CADM1: variants seen among roughly 807,000 people sequenced by gnomAD.
CADM1 encodes the protein cell adhesion molecule 1, also known as TSLC-1.
CADM1 carries 15 observed loss-of-function variants against 53.1 expected under a neutral mutation model. That is an observed-to-expected ratio of 0.28 (90% CI 0.19 to 0.44). The LOEUF is 0.44. CADM1 is among the 20% of genes least tolerant of loss of function. The probability of loss-of-function intolerance (pLI) is 1.00; values close to 1 mark genes in which losing one functional copy is unlikely to be tolerated. For missense variants in CADM1, 434 were observed against 611.3 expected, an observed-to-expected ratio of 0.71 and a Z score of 3.06; for synonymous variants, 281 against 243.0, an observed-to-expected ratio of 1.16 and a Z score of -1.45.
chr11:115,494,089 T>A (rs1291524790), intron 1 of CADM1, among the ~76,000 whole-genome samples: 1 of 152,160 alleles, frequency 6.6e-6, no homozygotes, highest in Non-Finnish European at 1.5e-5. Context: ...TGTGCTTTCA[T>A]GTGGCTTAGG....
chr11:115,221,716 G>A (rs901165734), intron 5 of CADM1, among the ~76,000 whole-genome samples: 2 of 152,096 alleles, frequency 1.3e-5, no homozygotes, highest in Admixed American at 6.5e-5. Flanking sequence ...AAACACTAAC[G>A]TATCAGGTCT....
chr11:115,441,317 G>C (rs979026877), intron 1 of CADM1, among the ~76,000 whole-genome samples: 5 of 152,086 alleles, frequency 3.3e-5, no homozygotes, highest in African/African-American at 4.8e-5. Flanking sequence ...CAATAGCCTT[G>C]AAGTTTTAAC....
intron 1 of CADM1, among the ~76,000 whole-genome samples, chr11:115,364,806 A>C (rs1325342551): frequency 1.3e-5 from 2 of 152,224 alleles, no homozygotes; most frequent in Non-Finnish European, 2.9e-5. Flanking sequence ...TACCACATAC[A>C]TAATATATGT....
chr11:115,272,514 AAAAC>A (rs1001079768), intron 1 of CADM1, among the ~76,000 whole-genome samples: 4 of 152,160 alleles, frequency 2.6e-5, no homozygotes, highest in Admixed American at 6.5e-5. Flanking sequence ...CAAACAAACA[AAAAC>A]AAACTTTTAA....
At chr11:115,228,985 T>G in intron 5 of CADM1, 128 bp downstream of exon 5, 1 of 922,196 alleles carries the variant, frequency 1.1e-6, no homozygotes, top group Non-Finnish European at 1.7e-6. Context: ...AATAATCCTT[T>G]ATTTTTCTAG....
intron 1 of CADM1, among the ~76,000 whole-genome samples, chr11:115,303,116 G>A (rs1944275691): frequency 1.3e-5 from 2 of 152,008 alleles, no homozygotes; most frequent in African/African-American, 4.8e-5. Context: ...GGTTCAGATG[G>A]GTGTGGTACA....
At chr11:115,448,644 T>A (rs1948504370) in intron 1 of CADM1, among the ~76,000 whole-genome samples, 1 of 130,270 alleles carries the variant, frequency 7.7e-6, no homozygotes, top group Non-Finnish European at 1.6e-5. Flanking sequence ...AATAACCCAT[T>A]AATGTGTGTT....
intron 1 of CADM1, among the ~76,000 whole-genome samples, chr11:115,450,483 A>C (rs1016825598): frequency 4.6e-5 from 7 of 152,182 alleles, no homozygotes; most frequent in African/African-American, 1.7e-4. Context: ...CAGTTATTGA[A>C]CGTTTCATTG....
At chr11:115,321,028 T>G (rs1447237030) in intron 1 of CADM1, among the ~76,000 whole-genome samples, 1 of 152,156 alleles carries the variant, frequency 6.6e-6, no homozygotes, top group African/African-American at 2.4e-5. Flanking sequence ...TTACAGCCAG[T>G]AAGTGAATGT....
intron 1 of CADM1, among the ~76,000 whole-genome samples, chr11:115,481,896 T>C (rs1306949394): frequency 1.3e-5 from 2 of 152,136 alleles, no homozygotes; most frequent in Admixed American, 6.5e-5. Flanking sequence ...GAGTCTCTAA[T>C]CCTCCAGATT....
intron 1 of CADM1, among the ~76,000 whole-genome samples, chr11:115,354,257 C>A (rs372532423): frequency 2.0e-4 from 30 of 152,210 alleles, no homozygotes; most frequent in African/African-American, 7.0e-4. Flanking sequence ...TTAGTTCTCA[C>A]GACTCTATAA....
At chr11:115,234,940 A>G (rs1333073378) in intron 3 of CADM1, among the ~76,000 whole-genome samples, 1 of 151,368 alleles carries the variant, frequency 6.6e-6, no homozygotes, top group East Asian at 1.9e-4. Context: ...GTGTAGAAAA[A>G]TGAAGGGCTT....
chr11:115,242,641 T>C (rs1055450894), intron 1 of CADM1, among the ~76,000 whole-genome samples: 5 of 152,172 alleles, frequency 3.3e-5, no homozygotes, highest in Non-Finnish European at 7.4e-5. Context: ...AGGACTTGCT[T>C]TGAGTAGACA....
intron 10 of CADM1, among the ~76,000 whole-genome samples, chr11:115,184,014 T>G (rs1384802696): frequency 6.6e-6 from 1 of 152,206 alleles, no homozygotes; most frequent in Non-Finnish European, 1.5e-5. Context: ...CAAGTCAGTT[T>G]AATTACAAAC....
At chr11:115,425,532 T>C (rs990804711) in intron 1 of CADM1, among the ~76,000 whole-genome samples, 1 of 152,262 alleles carries the variant, frequency 6.6e-6, no homozygotes, top group African/African-American at 2.4e-5. Context: ...TTATGCAGAA[T>C]GCATCCTCTT....
At chr11:115,212,411 CT>C (rs1242784114) in intron 7 of CADM1, among the ~76,000 whole-genome samples, 2 of 152,144 alleles carry the variant, frequency 1.3e-5, no homozygotes, top group Non-Finnish European at 2.9e-5. Flanking sequence ...ATATTCTAAT[CT>C]GTCATCCCAA....
At chr11:115,422,800 C>T (rs558261139) in intron 1 of CADM1, among the ~76,000 whole-genome samples, 1 of 152,218 alleles carries the variant, frequency 6.6e-6, no homozygotes, top group South Asian at 2.1e-4. Flanking sequence ...TAATTCTAGA[C>T]TTGATGCACC....
At chr11:115,288,661 C>T (rs942982331) in intron 1 of CADM1, among the ~76,000 whole-genome samples, 7 of 152,178 alleles carry the variant, frequency 4.6e-5, no homozygotes, top group African/African-American at 1.7e-4. Context: ...TTCCAAGTTC[C>T]CACAGTCTCT....
intron 1 of CADM1, among the ~76,000 whole-genome samples, chr11:115,261,153 T>C (rs556629675): frequency 6.6e-6 from 1 of 152,296 alleles, no homozygotes. Context: ...ATGGGCACAA[T>C]GTTTCTTCCT....
Sources: gnomAD v4.1 joint callset for allele counts (sites outside exome capture counted in the v4.1 genomes callset) on GRCh38, gnomAD v4.1.1 for gene constraint, MANE v1.5 for transcripts, NCBI Gene and HGNC (gene_info 2026-07-23, HGNC 2026-07-21) for gene names.